Variants in IRF8 observed in about 807,000 individuals in gnomAD.
IRF8 encodes the protein interferon regulatory factor 8.
Under a neutral mutation model 48.7 loss-of-function variants are expected in IRF8, and 14 were observed. The ratio of observed to expected loss-of-function variants is 0.29; its 90% CI spans 0.19 to 0.45. IRF8 has a LOEUF of 0.45. Among genes scored for constraint, IRF8 ranks in the 20% least tolerant of loss-of-function variants. IRF8 has a pLI of 1.00. For missense variants in IRF8, 493 were observed against 580.7 expected, an observed-to-expected ratio of 0.85 and a Z score of 1.55; for synonymous variants, 278 against 227.3, an observed-to-expected ratio of 1.22 and a Z score of -2.01.
In IRF8 at chr16:85,921,210, C is replaced by G; in HGVS notation, c.1209C>G (p.Phe403Leu). 2 of 1,614,230 alleles carry G rather than the reference C, an allele frequency of 1.2e-6. No homozygotes were observed. The highest frequency in any genetic ancestry group is 1.1e-5 in the South Asian group (1 of 91,084). Residue 403 changes from phenylalanine (F) to leucine (L), a missense_variant, in exon 9 of 9, where the codon TTC (phenylalanine) becomes TTG (leucine). Phe to Leu is a conservative substitution (Grantham distance 22, BLOSUM62 0). Around this residue, in one of 3 missense-constraint regions of IRF8, gnomAD observed 408 missense variants for 449.6 expected, o/e 0.91. Coordinates refer to ENST00000268638, the MANE Select transcript of IRF8 (RefSeq NM_002163.4). The part of the protein sequence containing the change: ...APEEPPPDQV[F>L]RMFPDICASH... Reference sequence around the variant, plus strand: ...AGGAGCCGCCGCCAGACCAGGTCTTCCGGATGTTTCCAGATATTTGTGCCT... The same window carrying G: ...AGGAGCCGCCGCCAGACCAGGTCTTGCGGATGTTTCCAGATATTTGTGCCT...
chr16:85,913,297 C>G, intron 5 of IRF8, 61 bp downstream of exon 5: 1 of 1,205,632 alleles, frequency 8.3e-7, no homozygotes, highest in Non-Finnish European at 1.2e-6. Flanking sequence ...CGGCATTCCA[C>G]CAGCCAGGGA....
At chr16:85,900,477 C>T (rs1203222063) in intron 1 of IRF8, among the ~76,000 whole-genome samples, 1 of 152,232 alleles carries the variant, frequency 6.6e-6, no homozygotes, top group Non-Finnish European at 1.5e-5. Context: ...GTAGTAGAAT[C>T]TCAGGCTTTT....
Position 85,916,309 on chromosome 16 carries a change from G to A in IRF8, c.601+1789G>A, listed in dbSNP as rs138511232. On this transcript the variant is annotated intron_variant, in intron 6 of 8. Coordinates refer to ENST00000268638, the MANE Select transcript of IRF8 (RefSeq NM_002163.4). ...GGCAGCAGCTGGGCTGGGACCGCAC[G>A]TCAGGCAGGTGGGCTGCAGGGTCTG... 1.3e-3 allele frequency among the ~76,000 whole-genome samples: 198 copies of A among 152,340 alleles called. 1 individual carries two copies. The highest frequency in any genetic ancestry group is 2.1e-3 in the Non-Finnish European group (146 of 68,030).
Position 85,914,500 on chromosome 16 carries a change from C to T in IRF8, c.581C>T (p.Thr194Ile). The change falls in exon 6 of 9, where the codon ACC (threonine) becomes ATC (isoleucine). Residue 194 changes from threonine (T) to isoleucine (I), a missense_variant. By Grantham distance (89) the Thr-to-Ile change is moderately conservative (BLOSUM62 -1). Transcript: ENST00000268638. ...GTGCCGCTGGTGACGGGGTACACCA[C>T]CTACGACGCGCACCATTCAGGTACG... ...TGVPLVTGYT[T>I]YDAHHSAFSQ... The T allele has an allele frequency of 1.9e-6, 3 of 1,614,150 alleles. No individual in the cohort carries two copies. The highest frequency in any genetic ancestry group is 1.7e-6 in the Non-Finnish European group (2 of 1,180,030).
chr16:85,902,946 G>C lies in IRF8; in HGVS notation c.-1-69G>C. The C allele has an allele frequency of 1.5e-5, 23 of 1,563,790 alleles. 1 individual carries two copies. The South Asian group carries it at 2.4e-4, about 17-fold the overall frequency. On this transcript the variant is annotated intron_variant, in intron 1 of 8. Coordinates refer to ENST00000268638, the MANE Select transcript of IRF8 (RefSeq NM_002163.4). ...CAAACCTCTGAGTTTCCTGTTAGCA[G>C]TTTTTGGGTTGCTGTGATGAATGAG...
intron 8 of IRF8, among the ~76,000 whole-genome samples, 169 bp downstream of exon 8, chr16:85,920,393 C>T (rs746851245): frequency 5.9e-5 from 9 of 151,988 alleles, no homozygotes; most frequent in African/African-American, 9.7e-5. Context: ...ACTACAGGCC[C>T]GTGCCACCAC....
At chr16:85,910,324 A>G (rs1281206082) in intron 3 of IRF8, among the ~76,000 whole-genome samples, 2 of 152,190 alleles carry the variant, frequency 1.3e-5, no homozygotes, top group Non-Finnish European at 2.9e-5. Flanking sequence ...ACCTAACTCT[A>G]CTGAGCGTGA....
intron 2 of IRF8, among the ~76,000 whole-genome samples, chr16:85,905,359 C>T (rs957885683): frequency 2.0e-5 from 3 of 152,236 alleles, no homozygotes; most frequent in Middle Eastern, 3.4e-3. Context: ...AACTTGTGCT[C>T]GGGGGGTAAT....
intron 2 of IRF8, among the ~76,000 whole-genome samples, chr16:85,903,918 C>T (rs181214659): frequency 6.6e-6 from 1 of 152,254 alleles, no homozygotes; most frequent in East Asian, 1.9e-4. Flanking sequence ...GCAAGATGGC[C>T]CAACTGTGAA....
intron 6 of IRF8, among the ~76,000 whole-genome samples, chr16:85,915,311 G>A (rs554274258): frequency 2.0e-5 from 3 of 152,332 alleles, no homozygotes; most frequent in East Asian, 1.9e-4. Context: ...TGTGGGAGGC[G>A]AGCAGCTGGT....
intron 1 of IRF8, among the ~76,000 whole-genome samples, chr16:85,900,086 A>G (rs1904781518): frequency 6.6e-6 from 1 of 152,320 alleles, no homozygotes; most frequent in African/African-American, 2.4e-5. Context: ...TTTGGGAGTG[A>G]TTCAGTCACT....
intron 2 of IRF8, among the ~76,000 whole-genome samples, chr16:85,904,234 C>G (rs1397605367): frequency 6.6e-6 from 1 of 151,922 alleles, no homozygotes; most frequent in Admixed American, 6.6e-5. Context: ...TGCTTATTCT[C>G]TTGCATTTGG....
At chr16:85,903,271 T>C (rs1597249151) in intron 2 of IRF8, 82 bp downstream of exon 2, 2 of 1,300,196 alleles carry the variant, frequency 1.5e-6, no homozygotes, top group East Asian at 4.9e-5. Context: ...GAGTGACATC[T>C]TTCTCATTTA....
chr16:85,905,680 T>C (rs2152099686), intron 2 of IRF8, among the ~76,000 whole-genome samples: 1 of 152,342 alleles, frequency 6.6e-6, no homozygotes, highest in Admixed American at 6.5e-5. Context: ...CTCTGTGACG[T>C]TGGCCGGATA....
intron 4 of IRF8, 118 bp downstream of exon 4, chr16:85,911,776 G>C (rs1402928132): frequency 1.2e-6 from 1 of 805,854 alleles, no homozygotes; most frequent in Non-Finnish European, 2.1e-6. Flanking sequence ...GCTCGCTGAG[G>C]AAGTGGCATC....
At chr16:85,905,617 T>A (rs1904975832) in intron 2 of IRF8, among the ~76,000 whole-genome samples, 1 of 152,078 alleles carries the variant, frequency 6.6e-6, no homozygotes, top group Non-Finnish European at 1.5e-5. Flanking sequence ...CAAGAGCCCA[T>A]CATGTGCTTC....
intron 6 of IRF8, among the ~76,000 whole-genome samples, chr16:85,915,176 T>C (rs977165835): frequency 6.6e-6 from 1 of 152,194 alleles, no homozygotes; most frequent in African/African-American, 2.4e-5. Flanking sequence ...GGCCTTTGTG[T>C]GTAGTCTCAG....
intron 6 of IRF8, among the ~76,000 whole-genome samples, chr16:85,916,872 A>G (rs1383108878): frequency 6.6e-6 from 1 of 152,106 alleles, no homozygotes; most frequent in Non-Finnish European, 1.5e-5. Context: ...TGAGCAGGGA[A>G]GAGCGAGACC....
intron 5 of IRF8, 146 bp downstream of exon 5, chr16:85,913,382 A>G: frequency 1.5e-6 from 1 of 679,930 alleles, no homozygotes; most frequent in East Asian, 2.7e-5. Flanking sequence ...GTGAAGAACG[A>G]TGGCCCTGGT....
Sources: allele counts gnomAD v4.1 joint callset (sites outside exome capture counted in the v4.1 genomes callset), GRCh38; gene constraint gnomAD v4.1.1; regional missense constraint gnomAD v4.1.1; transcripts MANE v1.5; gene names NCBI Gene and HGNC (gene_info 2026-07-23, HGNC 2026-07-21).